The following WIF1 variants were observed in gnomAD, a reference collection of about 807,000 sequenced individuals.
WIF1 encodes the protein Wnt inhibitory factor 1.
In WIF1, 35 loss-of-function variants were observed where a neutral mutation model predicts 53.5. That is an observed-to-expected ratio of 0.65 (90% CI 0.50 to 0.87). The LOEUF (loss-of-function observed/expected upper bound fraction) is 0.87, where lower values mean the gene tolerates loss of function less well. Among genes scored for constraint, WIF1 ranks in the 40% least tolerant of loss-of-function variants. The pLI is 0.00. For synonymous variants in WIF1, 171 were observed against 170.4 expected (o/e 1.00, Z -0.03); for missense variants, 467 against 476.8 (o/e 0.98, Z 0.19).
chr12:65,086,488 C>T (rs1002200445), intron 2 of WIF1, among the ~76,000 whole-genome samples: 1 of 152,034 alleles, frequency 6.6e-6, no homozygotes, highest in Admixed American at 6.6e-5. Flanking sequence ...CTGTGGGGAC[C>T]AGGGTCAGTC....
In WIF1 at chr12:65,081,859, A is replaced by T. The variant is rs569850669; in HGVS notation, c.289-4005T>A. 3.0e-4 allele frequency among the ~76,000 whole-genome samples: 44 copies of T among 144,292 alleles called. 1 individual carries two copies. Among genetic ancestry groups the T allele is most frequent in the Admixed American group, 2.7e-3 (39 of 14,612 alleles). 94.7% of individuals were successfully genotyped at this position (144,292 alleles called of 152,430 possible). On this transcript the variant is annotated intron_variant, in intron 2 of 9. Transcript: ENST00000286574. ...ACTTCACACTGGGAAGTTTTAAGAT[A>T]AAAAAAAAAGAAAAGAAAAAAGAAA...
At chr12:65,069,401 C>A (rs1882738306) in intron 3 of WIF1, among the ~76,000 whole-genome samples, 2 of 152,210 alleles carry the variant, frequency 1.3e-5, no homozygotes, top group South Asian at 2.1e-4. Flanking sequence ...GTCTGATGAG[C>A]AATACCCCAC....
intron 3 of WIF1, among the ~76,000 whole-genome samples, chr12:65,069,434 T>C (rs755519921): frequency 1.3e-5 from 2 of 152,186 alleles, no homozygotes; most frequent in Non-Finnish European, 2.9e-5. Flanking sequence ...ACTATGTGTA[T>C]GTGAAAGTGA....
intron 2 of WIF1, among the ~76,000 whole-genome samples, chr12:65,106,299 G>T (rs957969533): frequency 3.3e-5 from 5 of 151,942 alleles, no homozygotes; most frequent in Non-Finnish European, 7.4e-5. Flanking sequence ...TGGGAAGACA[G>T]ATTTGGACTC....
chr12:65,055,652 A>G lies in WIF1; in HGVS notation c.922+379T>C, dbSNP rs186323626. Among the ~76,000 whole-genome samples, 18 of 152,156 alleles carry G rather than the reference A, an allele frequency of 1.2e-4. No individual in the cohort carries two copies. In the East Asian group the frequency reaches 1.9e-3, roughly 16 times the overall value. ...TGGCCGGGTGCAGTGGCAGGTGCCT[A>G]TAGTCCCAGCTACTCGGGAGGCCGA... On this transcript the variant is annotated intron_variant, in intron 8 of 9. Transcript: ENST00000286574.
At chr12:65,057,740 C>A in intron 7 of WIF1, among the ~76,000 whole-genome samples, 1 of 152,122 alleles carries the variant, frequency 6.6e-6, no homozygotes, top group East Asian at 1.9e-4. Flanking sequence ...CTCTCTAAGC[C>A]CTTCTTTTTA....
intron 2 of WIF1, among the ~76,000 whole-genome samples, chr12:65,108,406 A>G (rs1565760566): frequency 6.6e-6 from 1 of 152,166 alleles, no homozygotes; most frequent in African/African-American, 2.4e-5. Context: ...AATTTTTTTC[A>G]ATTGTCTACC....
intron 2 of WIF1, among the ~76,000 whole-genome samples, chr12:65,099,797 A>C (rs982163802): frequency 6.6e-6 from 1 of 152,136 alleles, no homozygotes; most frequent in Admixed American, 6.6e-5. Context: ...ATTTTTATAC[A>C]ATGTAGCATA....
chr12:65,104,420 A>G (rs1883325236), intron 2 of WIF1, among the ~76,000 whole-genome samples: 1 of 152,208 alleles, frequency 6.6e-6, no homozygotes, highest in Non-Finnish European at 1.5e-5. Context: ...ATTCAGAAAT[A>G]TCCTGATTTC....
At chr12:65,053,431 C>T (rs1882472984) in intron 9 of WIF1, among the ~76,000 whole-genome samples, 1 of 152,114 alleles carries the variant, frequency 6.6e-6, no homozygotes, top group Non-Finnish European at 1.5e-5. Flanking sequence ...GGGCTGGTTC[C>T]CCTATGCTGT....
chr12:65,121,192 G>A lies in WIF1; in HGVS notation c.-1C>T, dbSNP rs1783345940. ...CAGGGAAGGCGCTCCTCCGGGCCAT[G>A]CTGCTCAGGACCTCCTCGCTGCCGG... On this transcript the variant is annotated 5_prime_UTR_variant, in exon 1 of 10. Transcript: ENST00000286574. 6.5e-7 allele frequency: 1 copy of A among 1,528,004 alleles called. No homozygotes were observed. The highest frequency in any genetic ancestry group is 1.2e-5 in the South Asian group (1 of 80,204). The allele number at this position is 1,528,004 out of a possible 1,614,324, so 94.7% of individuals were successfully genotyped here. A position where few individuals can be genotyped will look rare whatever the true frequency, so the allele number is the denominator to read the frequency against.
At chr12:65,060,563 A>T (rs1882596820) in intron 7 of WIF1, among the ~76,000 whole-genome samples, 1 of 152,264 alleles carries the variant, frequency 6.6e-6, no homozygotes, top group Admixed American at 6.5e-5. Context: ...AGGGGAGGTG[A>T]CTGCTAATAG....
intron 2 of WIF1, among the ~76,000 whole-genome samples, chr12:65,119,345 T>A (rs1398577342): frequency 6.6e-6 from 1 of 152,064 alleles, no homozygotes; most frequent in East Asian, 1.9e-4. Context: ...TTTAACCACA[T>A]AGCAATGGAA....
chr12:65,063,698 CTTT>C (rs34354517), intron 6 of WIF1, among the ~76,000 whole-genome samples: 39 of 131,796 alleles, frequency 3.0e-4, no homozygotes, highest in African/African-American at 4.2e-4. Context: ...AATCAAAACT[CTTT>C]TTTTTTTTTT....
At chr12:65,112,110 T>G (rs968774976) in intron 2 of WIF1, among the ~76,000 whole-genome samples, 9 of 152,208 alleles carry the variant, frequency 5.9e-5, no homozygotes, top group African/African-American at 2.2e-4. Flanking sequence ...TATTTGAAGA[T>G]GCAGGCTTAT....
intron 2 of WIF1, among the ~76,000 whole-genome samples, chr12:65,080,985 T>C (rs1207726880): frequency 6.6e-6 from 1 of 152,106 alleles, no homozygotes; most frequent in Non-Finnish European, 1.5e-5. Context: ...AATAAACTTT[T>C]AGTTAATAAG....
At chr12:65,062,050 T>C (rs1476313978) in intron 7 of WIF1, among the ~76,000 whole-genome samples, 1 of 152,180 alleles carries the variant, frequency 6.6e-6, no homozygotes, top group South Asian at 2.1e-4. Context: ...TTCTCTTAGA[T>C]GGGTTGTTAG....
At chr12:65,073,629 AG>A (rs1882815592) in intron 3 of WIF1, among the ~76,000 whole-genome samples, 1 of 152,218 alleles carries the variant, frequency 6.6e-6, no homozygotes, top group African/African-American at 2.4e-5. Context: ...ATAAAAGAAC[AG>A]TTTAGCAGCT....
intron 3 of WIF1, among the ~76,000 whole-genome samples, chr12:65,077,375 G>GC (rs11397741): frequency 0.98 from 149,028 of 152,184 alleles, 72,988 homozygotes; most frequent in East Asian, 1. Context: ...TATCCCATTT[G>GC]CCCCCAATCA....
Sources: gnomAD v4.1 joint callset for allele counts (sites outside exome capture counted in the v4.1 genomes callset) on GRCh38, gnomAD v4.1.1 for gene constraint, MANE v1.5 for transcripts, NCBI Gene and HGNC (gene_info 2026-07-23, HGNC 2026-07-21) for gene names.